The following ULK4 variants were observed in gnomAD, a reference collection of about 807,000 sequenced individuals.
ULK4 encodes the protein inactive serine/threonine-protein kinase ULK4.
Under a neutral mutation model 160.6 loss-of-function variants are expected in ULK4, and 133 were observed. The observed-to-expected ratio is 0.83, with a 90% confidence interval of 0.72 to 0.96. ULK4 has a LOEUF of 0.96. Among genes scored for constraint, ULK4 ranks in the 40% least tolerant of loss-of-function variants. The probability of loss-of-function intolerance (pLI) is 0.00; values close to 1 mark genes in which losing one functional copy is unlikely to be tolerated. For missense variants in ULK4, 1,580 were observed against 1,499.5 expected, an observed-to-expected ratio of 1.05 and a Z score of -0.89; for synonymous variants, 534 against 539.8, an observed-to-expected ratio of 0.99 and a Z score of 0.15.
chr3:41,254,040 A>G (rs1371050487), intron 35 of ULK4, among the ~76,000 whole-genome samples: 2 of 152,210 alleles, frequency 1.3e-5, no homozygotes, highest in African/African-American at 2.4e-5. Flanking sequence ...TAAATCCACA[A>G]TCGTAGTTGG....
chr3:41,691,943 C>CTT (rs751734628), intron 27 of ULK4, among the ~76,000 whole-genome samples: 1,351 of 96,322 alleles, frequency 0.014, 201 homozygotes, highest in African/African-American at 0.03. Context: ...CAAATCACTT[C>CTT]TTTTTTTTTT....
chr3:41,707,776 T>C (rs1218033577), intron 25 of ULK4, among the ~76,000 whole-genome samples: 2 of 151,468 alleles, frequency 1.3e-5, no homozygotes, highest in African/African-American at 2.4e-5. Context: ...TGCAGTGGGC[T>C]ATGACGGTAT....
At chr3:41,430,337 C>T (rs1174503891) in intron 34 of ULK4, among the ~76,000 whole-genome samples, 1 of 152,152 alleles carries the variant, frequency 6.6e-6, no homozygotes, top group Admixed American at 6.5e-5. Flanking sequence ...GCTTTATAAA[C>T]TAATGGTTCA....
chr3:41,559,648 G>A (rs2087482433), intron 32 of ULK4, among the ~76,000 whole-genome samples: 1 of 152,138 alleles, frequency 6.6e-6, no homozygotes, highest in African/African-American at 2.4e-5. Flanking sequence ...ATTTTGTCAT[G>A]TGTGTTTTGG....
At chr3:41,675,407 T>C (rs143384562) in intron 29 of ULK4, among the ~76,000 whole-genome samples, 2,763 of 151,642 alleles carry the variant, frequency 0.018, 67 homozygotes, top group African/African-American at 0.058. Flanking sequence ...CTGGCCAACA[T>C]GGTGAAACTC....
intron 5 of ULK4, among the ~76,000 whole-genome samples, chr3:41,928,565 G>GT (rs138310421): frequency 0.86 from 121,840 of 141,842 alleles, 54,315 homozygotes; most frequent in Non-Finnish European, 0.98. Context: ...TCTAGGAGCT[G>GT]TTTTTTTTTA....
intron 6 of ULK4, 55 bp from the exon 7 acceptor site, chr3:41,918,595 C>CTTTTTTTTTTTTTTTTTTTT (rs36064862): frequency 4.8e-6 from 1 of 206,734 alleles, no homozygotes; most frequent in African/African-American, 5.0e-5. Context: ...ACCAATAATT[C>CTTTTTTTTTTTTTTTTTTTT]TTTTTTTTTT....
At chr3:41,670,639 A>G (rs1413255054) in intron 29 of ULK4, among the ~76,000 whole-genome samples, 4 of 152,052 alleles carry the variant, frequency 2.6e-5, no homozygotes, top group African/African-American at 9.7e-5. Context: ...ACATACACAC[A>G]CTTTTTTAAG....
intron 27 of ULK4, chr3:41,687,801 C>T (rs1575570754): frequency 6.6e-6 from 1 of 152,162 alleles, no homozygotes; most frequent in Non-Finnish European, 1.5e-5. Flanking sequence ...AACCAAACAC[C>T]CCTGAAGGCT....
chr3:41,341,264 T>A (rs751254288), intron 35 of ULK4, among the ~76,000 whole-genome samples: 1 of 152,230 alleles, frequency 6.6e-6, no homozygotes, highest in Non-Finnish European at 1.5e-5. Context: ...CAGACTGATA[T>A]AGGATTTACC....
intron 16 of ULK4, among the ~76,000 whole-genome samples, chr3:41,884,837 T>G (rs2148772371): frequency 6.6e-6 from 1 of 152,366 alleles, no homozygotes; most frequent in Non-Finnish European, 1.5e-5. Flanking sequence ...TTAAAATCTC[T>G]TAACCTACAC....
At chr3:41,770,357 C>G (rs1214119555) in intron 21 of ULK4, among the ~76,000 whole-genome samples, 1 of 152,104 alleles carries the variant, frequency 6.6e-6, no homozygotes, top group African/African-American at 2.4e-5. Flanking sequence ...GCCCTCAGTC[C>G]TTCATGCTTT....
intron 35 of ULK4, among the ~76,000 whole-genome samples, chr3:41,318,414 T>A (rs1301633965): frequency 6.6e-6 from 1 of 152,192 alleles, no homozygotes; most frequent in East Asian, 1.9e-4. Context: ...GGGTTTAAAT[T>A]CAGTAAGTAG....
chr3:41,394,706 A>G (rs1430639203), intron 35 of ULK4, among the ~76,000 whole-genome samples: 1 of 152,112 alleles, frequency 6.6e-6, no homozygotes, highest in African/African-American at 2.4e-5. Context: ...GGCCATCTGT[A>G]TTCCATTTAA....
intron 34 of ULK4, among the ~76,000 whole-genome samples, chr3:41,426,719 G>A (rs184103683): frequency 2.6e-5 from 4 of 152,030 alleles, no homozygotes; most frequent in African/African-American, 7.2e-5. Context: ...TCAAACCAAC[G>A]AGAACAAAGA....
chr3:41,497,969 C>G (rs1488510818), intron 32 of ULK4, among the ~76,000 whole-genome samples: 1 of 152,148 alleles, frequency 6.6e-6, no homozygotes, highest in East Asian at 1.9e-4. Context: ...GATTTTAATA[C>G]TTCTCTCAGA....
intron 32 of ULK4, among the ~76,000 whole-genome samples, chr3:41,547,166 C>T (rs1024396982): frequency 2.0e-5 from 3 of 152,056 alleles, no homozygotes; most frequent in African/African-American, 7.2e-5. Flanking sequence ...TTCAAGGTAA[C>T]ATCAATAAAT....
chr3:41,512,941 A>G (rs1158937677), intron 32 of ULK4, among the ~76,000 whole-genome samples: 2 of 152,166 alleles, frequency 1.3e-5, no homozygotes, highest in African/African-American at 4.8e-5. Context: ...ATAGACCAAT[A>G]AAATATAATA....
intron 18 of ULK4, among the ~76,000 whole-genome samples, chr3:41,826,470 A>T (rs373809656): frequency 6.6e-6 from 1 of 151,368 alleles, no homozygotes; most frequent in African/African-American, 2.4e-5. Flanking sequence ...GAAGATCTAC[A>T]AAGCAAATGG....
Sources: gnomAD v4.1 joint callset for allele counts (sites outside exome capture counted in the v4.1 genomes callset) on GRCh38, gnomAD v4.1.1 for gene constraint, MANE v1.5 for transcripts, NCBI Gene and HGNC (gene_info 2026-07-23, HGNC 2026-07-21) for gene names.